TNXB: variants seen among roughly 807,000 people sequenced by gnomAD.
TNXB encodes tenascin-X.
Under a neutral mutation model 340.5 loss-of-function variants are expected in TNXB, and 183 were observed. The ratio of observed to expected loss-of-function variants is 0.54; its 90% CI spans 0.48 to 0.61. TNXB has a LOEUF of 0.61. Among genes scored for constraint, TNXB ranks in the 20% least tolerant of loss-of-function variants. The probability of loss-of-function intolerance (pLI) is 0.00; values close to 1 mark genes in which losing one functional copy is unlikely to be tolerated. For synonymous variants in TNXB, 2,121 were observed against 2,314.5 expected (o/e 0.92, Z 2.40); for missense variants, 4,613 against 5,446.4 (o/e 0.85, Z 4.82).
rs1554321218 is a variant in TNXB at position 32,067,132 on chromosome 6, G to GAAAGA, written c.6544+528_6544+529insTCTTT. 5.5e-4 allele frequency among the ~76,000 whole-genome samples: 65 copies of GAAAGA among 118,082 alleles called. 1 individual carries two copies. The highest frequency in any genetic ancestry group is 4.6e-3 in the Admixed American group (50 of 10,858). 77.5% of individuals were successfully genotyped at this position (118,082 alleles called of 152,430 possible). The stretch of plus-strand genomic sequence containing the variant: ...AAGAAAGAGAAAGAAAGAAAGGAAG[G>GAAAGA]AAGAAAGAAAGAAAGAAAGAAAGAA... On this transcript the variant is annotated intron_variant, in intron 18 of 43. Coordinates refer to ENST00000644971, the MANE Select transcript of TNXB (RefSeq NM_001365276.2). The surrounding 1 kb of genome is among the most constrained non-coding windows in gnomAD (Gnocchi z 4.2).
chr6:32,069,798 T>C lies in TNXB; in HGVS notation c.5342A>G (p.Glu1781Gly). Residue 1781 changes from glutamate (E) to glycine (G), a missense_variant, in exon 15 of 44, where the codon GAG (glutamate) becomes GGG (glycine). Physicochemically the swap from Glu to Gly is moderately conservative, Grantham distance 98. Coordinates refer to ENST00000644971, the MANE Select transcript of TNXB (RefSeq NM_001365276.2). This position sits in a 1 kb window ranked among gnomAD's most constrained non-coding sequence, Gnocchi z 6.2. ...KRPPKPRLGE[E>G]LQVTTVTQNS... ...CTGGGTCACGGTGGTCACCTGCAGCTCCTCCCCCAGACGGGGTTTTGGGGG... is the reference window on the plus strand; with the variant it reads ...CTGGGTCACGGTGGTCACCTGCAGCCCCTCCCCCAGACGGGGTTTTGGGGG... 1 of 1,609,088 alleles carries C rather than the reference T, an allele frequency of 6.2e-7. No homozygotes were observed. The highest frequency in any genetic ancestry group is 8.5e-7 in the Non-Finnish European group (1 of 1,177,966).
rs1489365655 is a variant in TNXB at position 32,095,645 on chromosome 6, G to A, written c.2208C>T (p.Cys736=). The change falls in exon 3 of 44, where the codon TGC becomes TGT. Residue 736 remains cysteine, a synonymous_variant. Coordinates refer to ENST00000644971, the MANE Select transcript of TNXB (RefSeq NM_001365276.2). ...RGECHDGSCV[C]KDGYAGEDCG... is the part of the protein sequence containing the mutation. ...AGTCTTCGCCAGCATACCCATCTTT[G>A]CAGACACAGCTGCCATCGTGACACT... 6.2e-7 allele frequency: 1 copy of A among 1,613,874 alleles called. No individual in the cohort carries two copies. Among genetic ancestry groups the A allele is most frequent in the Non-Finnish European group, 8.5e-7 (1 of 1,179,806 alleles).
intron 1 of TNXB, among the ~76,000 whole-genome samples, chr6:32,102,929 C>CA (rs1361013998): frequency 6.6e-5 from 10 of 151,262 alleles, no homozygotes; most frequent in Admixed American, 1.3e-4. Flanking sequence ...AAAAAACAAA[C>CA]AAAAAAACAA....
chr6:32,050,955 G>C (rs1188576790), intron 26 of TNXB, among the ~76,000 whole-genome samples: 2 of 152,156 alleles, frequency 1.3e-5, no homozygotes, highest in Non-Finnish European at 2.9e-5. Flanking sequence ...GGCCATCTCA[G>C]CACAGACCTG....
At position 32,061,378 on chromosome 6, in the gene TNXB, G is replaced by A; in HGVS notation, c.7492+19C>T. 6.2e-7 allele frequency: 1 copy of A among 1,605,342 alleles called. No homozygotes were observed. Among genetic ancestry groups the A allele is most frequent in the Non-Finnish European group, 8.5e-7 (1 of 1,174,542 alleles). On this transcript the variant is annotated intron_variant, in intron 21 of 43. Transcript: ENST00000644971. This position sits in a 1 kb window ranked among gnomAD's most constrained non-coding sequence, Gnocchi z 4.4. ...CATGAGGGAAAGGTGGTTACCCCGA[G>A]ACTCCAAGCACTACTCACCAGTCAC...
intron 11 of TNXB, among the ~76,000 whole-genome samples, chr6:32,076,328 G>A (rs902140917): frequency 1.3e-5 from 2 of 152,062 alleles, no homozygotes; most frequent in African/African-American, 4.8e-5. Flanking sequence ...TGAGCTCCAC[G>A]CACCTCTCCC....
chr6:32,080,833 A>AG lies in TNXB; in HGVS notation c.4042+534dup, dbSNP rs1232200968. ...AACACAATCCCTTTGCCCTGTTCCA[A>AG]GGGGGCTGGGAGTCAAGGAGTCGGG... On this transcript the variant is annotated intron_variant, in intron 10 of 43. Transcript: ENST00000644971. The surrounding 1 kb of genome is among the most constrained non-coding windows in gnomAD (Gnocchi z 4.3). 6.6e-6 allele frequency among the ~76,000 whole-genome samples: 1 copy of AG among 152,176 alleles called. No homozygotes were observed. Among genetic ancestry groups the AG allele is most frequent in the Non-Finnish European group, 1.5e-5 (1 of 68,016 alleles).
In TNXB at chr6:32,067,590, C is replaced by T; in HGVS notation, c.6544+71G>A. Reference sequence around the variant, plus strand: ...TTTGAGGTCTTGGGGTTCTGGGTCCCTAGTGGAGGAGATGCTGGAGGCTGT... The same window carrying T: ...TTTGAGGTCTTGGGGTTCTGGGTCCTTAGTGGAGGAGATGCTGGAGGCTGT... On this transcript the variant is annotated intron_variant, in intron 18 of 43. Transcript: ENST00000644971. This position sits in a 1 kb window ranked among gnomAD's most constrained non-coding sequence, Gnocchi z 4.2. 6.4e-7 allele frequency: 1 copy of T among 1,552,958 alleles called. No homozygotes were observed. Among genetic ancestry groups the T allele is most frequent in the Non-Finnish European group, 8.7e-7 (1 of 1,150,044 alleles).
In TNXB at chr6:32,053,477, C is replaced by T. The variant is rs779513286; in HGVS notation, c.8702G>A (p.Gly2901Asp). The part of the protein sequence containing the change: ...PGHEDGVTIS[G>D]LEPDHKYKMN... ...CTTGTACTTGTGGTCTGGCTCCAGG[C>T]CTGAGATGGTGACCCCGTCCTCGTG... Residue 2901 changes from glycine to aspartate, a missense_variant, in exon 25 of 44, where the codon GGC becomes GAC. By Grantham distance (94) the Gly-to-Asp change is moderately conservative (BLOSUM62 -1). Transcript: ENST00000644971. 3 of 1,613,414 alleles carry T rather than the reference C, an allele frequency of 1.9e-6. No individual in the cohort carries two copies. The highest frequency in any genetic ancestry group is 2.2e-5 in the South Asian group (2 of 91,070).
In TNXB at chr6:32,058,714, G is replaced by C. The variant is rs1259586357; in HGVS notation, c.7493-324C>G. ...CATCTGTCCTAAGAAAATTATTAAA[G>C]CAGGAAAAAGTTATAGCATGGAAGA... On this transcript the variant is annotated intron_variant, in intron 21 of 43. Transcript: ENST00000644971. This position sits in a 1 kb window ranked among gnomAD's most constrained non-coding sequence, Gnocchi z 5.1. 1.3e-5 allele frequency among the ~76,000 whole-genome samples: 2 copies of C among 151,814 alleles called. No individual in the cohort carries two copies. Among genetic ancestry groups the C allele is most frequent in the East Asian group, 3.9e-4 (2 of 5,192 alleles).
In TNXB at chr6:32,049,260, C is replaced by T; in HGVS notation, c.9757+10G>A. 1 of 1,605,990 alleles carries T rather than the reference C, an allele frequency of 6.2e-7. No individual in the cohort carries two copies. Among genetic ancestry groups the T allele is most frequent in the African/African-American group, 1.3e-5 (1 of 74,890 alleles). ...TAAACCTGGGGACGAGGGCCTGTCC[C>T]CCCACTCACCCGTGATGCCCACGGT... On this transcript the variant is annotated intron_variant, in intron 28 of 43. Transcript: ENST00000644971. The surrounding 1 kb of genome is among the most constrained non-coding windows in gnomAD (Gnocchi z 4.5).
chr6:32,046,271 C>A lies in TNXB; in HGVS notation c.10510G>T (p.Val3504Leu), dbSNP rs759767266. The A allele has an allele frequency of 2.0e-5, 32 of 1,606,202 alleles. No individual in the cohort carries two copies. The highest frequency in any genetic ancestry group is 2.7e-5 in the Non-Finnish European group (32 of 1,178,100). The change falls in exon 31 of 44, where the codon GTA becomes TTA. Residue 3504 changes from valine to leucine, a missense_variant. By Grantham distance (32) the Val-to-Leu change is conservative. Transcript: ENST00000644971. The surrounding 1 kb of genome is among the most constrained non-coding windows in gnomAD (Gnocchi z 6.9). The part of the protein sequence containing the change: ...PVAADQRTVT[V>L]EDLEPGKKYK... ...TTCTTGCCAGGCTCCAGGTCCTCTA[C>A]GGTGACTGTGCGCTGGTCTGCGGCC...
At position 32,047,873 on chromosome 6, in the gene TNXB, C is replaced by G; in HGVS notation, c.10185G>C (p.Arg3395=). The change falls in exon 30 of 44, where the codon CGG becomes CGC. Residue 3395 remains arginine (R), a synonymous_variant. Coordinates refer to ENST00000644971, the MANE Select transcript of TNXB (RefSeq NM_001365276.2). The surrounding 1 kb of genome is among the most constrained non-coding windows in gnomAD (Gnocchi z 6.2). ...TGGCTGCCACCGGCACCACCTGGAGCCGACCATCCTTATCCTTGTACTGGA... is the reference window on the plus strand; with the variant it reads ...TGGCTGCCACCGGCACCACCTGGAGGCGACCATCCTTATCCTTGTACTGGA... ...FVVQYKDKDG[R]LQVVPVAANQ... is the part of the protein sequence containing the mutation. 6.2e-7 allele frequency: 1 copy of G among 1,612,352 alleles called. No homozygotes were observed. The highest frequency in any genetic ancestry group is 8.5e-7 in the Non-Finnish European group (1 of 1,179,616).
rs190224335 is a variant in TNXB, at chr6:32,061,816, A to G, written c.7169-96T>C. Reference sequence around the variant, plus strand: ...GGAGAAGGCTATGACTAGGGGACATATGAAATAGCCAAGGCTATGACTAGG... The same window carrying G: ...GGAGAAGGCTATGACTAGGGGACATGTGAAATAGCCAAGGCTATGACTAGG... On this transcript the variant is annotated intron_variant, in intron 20 of 43. Coordinates refer to ENST00000644971, the MANE Select transcript of TNXB (RefSeq NM_001365276.2). This position sits in a 1 kb window ranked among gnomAD's most constrained non-coding sequence, Gnocchi z 4.4. 2,119 of 1,487,324 alleles carry G rather than the reference A, an allele frequency of 1.4e-3. 4 individuals carry two copies. Among genetic ancestry groups the G allele is most frequent in the Non-Finnish European group, 1.8e-3 (1,997 of 1,103,462 alleles). The allele number at this position is 1,487,324 out of a possible 1,614,324, so 92.1% of individuals were successfully genotyped here. A position where few individuals can be genotyped will look rare whatever the true frequency, so the allele number is the denominator to read the frequency against.
Position 32,041,547 on chromosome 6 carries a change from C to T in TNXB, c.12634-97G>A. The T allele has an allele frequency of 1.9e-6, 2 of 1,075,112 alleles. 1 individual carries two copies. The highest frequency in any genetic ancestry group is 2.7e-5 in the South Asian group (2 of 73,432). The allele number at this position is 1,075,112 out of a possible 1,614,324, so 66.6% of individuals were successfully genotyped here. A position where few individuals can be genotyped will look rare whatever the true frequency, so the allele number is the denominator to read the frequency against. The stretch of plus-strand genomic sequence containing the variant: ...GTAGCTCCCAGCACTCAACCAACCT[C>T]CCCGCAGAGCTCCCTTCCTGACCCT... On this transcript the variant is annotated intron_variant, in intron 43 of 43. Transcript: ENST00000644971.
At chr6:32,056,369 C>G (rs948478425) in intron 23 of TNXB, among the ~76,000 whole-genome samples, 195 bp from the exon 24 acceptor site, 1 of 152,106 alleles carries the variant, frequency 6.6e-6, no homozygotes, top group African/African-American at 2.4e-5. Flanking sequence ...TGTGGGGGAC[C>G]TGGGACAGTC....
Position 32,079,556 on chromosome 6 carries a change from G to A in TNXB, c.4043-191C>T, listed in dbSNP as rs1200230950. On this transcript the variant is annotated intron_variant, in intron 10 of 43. Coordinates refer to ENST00000644971, the MANE Select transcript of TNXB (RefSeq NM_001365276.2). The surrounding 1 kb of genome is among the most constrained non-coding windows in gnomAD (Gnocchi z 7.1). Reference sequence around the variant, plus strand: ...TCCTGCTCTGGTGGGTTCTGTGGGGGTGAGGGGTCTCCCTTCGTGTCTGAG... The same window carrying A: ...TCCTGCTCTGGTGGGTTCTGTGGGGATGAGGGGTCTCCCTTCGTGTCTGAG... Among the ~76,000 whole-genome samples the A allele has an allele frequency of 6.6e-6, 1 of 152,206 alleles. No individual in the cohort carries two copies. The highest frequency in any genetic ancestry group is 2.4e-5 in the African/African-American group (1 of 41,452).
chr6:32,098,482 T>TTTTG (rs546215342), intron 1 of TNXB, among the ~76,000 whole-genome samples: 8 of 151,114 alleles, frequency 5.3e-5, no homozygotes, highest in Admixed American at 2.6e-4. Flanking sequence ...TTTTGTTTTG[T>TTTTG]TTTGTTTGTT....
At chr6:32,066,353 C>T (rs1257882089) in intron 18 of TNXB, among the ~76,000 whole-genome samples, 2 of 151,858 alleles carry the variant, frequency 1.3e-5, no homozygotes, top group African/African-American at 4.8e-5. Context: ...ATGATCATGC[C>T]ACTGCACTAT....
Sources: gnomAD v4.1 joint callset for allele counts (sites outside exome capture counted in the v4.1 genomes callset) on GRCh38, gnomAD v4.1.1 for gene constraint, Gnocchi (gnomAD v3.1) non-coding constraint, MANE v1.5 for transcripts, NCBI Gene and HGNC (gene_info 2026-07-23, HGNC 2026-07-21) for gene names.